The following ING4 variants were observed in gnomAD, a reference collection of about 807,000 sequenced individuals.
ING4 encodes the protein inhibitor of growth protein 4.
In ING4, 28 loss-of-function variants were observed where a neutral mutation model predicts 33.1. The ratio of observed to expected loss-of-function variants is 0.85; its 90% confidence interval spans 0.63 to 1.16. The LOEUF (loss-of-function observed/expected upper bound fraction) is 1.16, where lower values mean the gene tolerates loss of function less well. ING4 is among the 50% of genes most tolerant of loss of function. ING4 has a pLI of 0.00. For synonymous variants in ING4, 87 were observed against 104.4 expected (o/e 0.83, Z 1.02); for missense variants, 247 against 314.7 (o/e 0.78, Z 1.63).
intron 4 of ING4, 45 bp from the exon 5 acceptor site, chr12:6,652,812 G>T (rs774166200): frequency 2.5e-6 from 4 of 1,592,198 alleles, no homozygotes; most frequent in Non-Finnish European, 3.4e-6. Context: ...GAGACAGAAA[G>T]ATGGGTTAAG....
chr12:6,651,568 G>A (rs1949180439), intron 6 of ING4, among the ~76,000 whole-genome samples, 183 bp from the exon 7 acceptor site: 1 of 152,102 alleles, frequency 6.6e-6, no homozygotes, highest in Non-Finnish European at 1.5e-5. Flanking sequence ...TTGAGGCAGA[G>A]TCTCACTCTG....
chr12:6,653,119 G>T, intron 3 of ING4, 69 bp from the exon 4 acceptor site: 1 of 1,594,932 alleles, frequency 6.3e-7, no homozygotes, highest in Non-Finnish European at 8.6e-7. Flanking sequence ...GGTTAAGGCA[G>T]AGTTTATGGA....
Position 6,651,248 on chromosome 12 carries a change from G to C in ING4, c.708-14C>G, listed in dbSNP as rs752489636. The stretch of plus-strand genomic sequence containing the variant: ...CGTGGGCAAAACCTGAAACAGAGAA[G>C]GGGAGAGAAAAGTGAGTGAAAGGGA... On this transcript the variant is annotated splice_polypyrimidine_tract_variant and intron_variant, in intron 7 of 7. Coordinates refer to ENST00000341550, the MANE Select transcript of ING4 (RefSeq NM_016162.4). 12 of 1,614,038 alleles carry C rather than the reference G, an allele frequency of 7.4e-6. No individual in the cohort carries two copies. The South Asian group carries it at 1.1e-4, about 15-fold the overall frequency.
chr12:6,657,317 C>T (rs1278286012), intron 1 of ING4, among the ~76,000 whole-genome samples: 12 of 150,970 alleles, frequency 7.9e-5, no homozygotes, highest in South Asian at 6.3e-4. Flanking sequence ...GGTGCGATGG[C>T]GGGCGCCTGT....
In ING4 at chr12:6,663,092, C is replaced by T. The variant is rs1565409089; in HGVS notation, c.10G>A (p.Gly4Arg). The T allele has an allele frequency of 6.2e-7, 1 of 1,614,220 alleles. No individual in the cohort carries two copies. The highest frequency in any genetic ancestry group is 8.5e-7 in the Non-Finnish European group (1 of 1,180,046). MAA[G>R]MYLEHYLDSI... is the part of the protein sequence containing the mutation. ...TCCAGATAATGTTCCAAATACATCC[C>T]CGCAGCCATCTCGAAGCAAAACAAA... The change falls in exon 1 of 8, where the codon GGG (glycine) becomes AGG (arginine). Residue 4 changes from glycine (G) to arginine (R), a missense_variant. Transcript: ENST00000341550.
chr12:6,656,616 G>T, intron 2 of ING4, 111 bp downstream of exon 2: 3 of 691,324 alleles, frequency 4.3e-6, no homozygotes, highest in African/African-American at 1.9e-5. Flanking sequence ...AAAAAGGAGC[G>T]AGAGAAGCCA....
chr12:6,656,887 C>G, intron 1 of ING4, 89 bp from the exon 2 acceptor site: 2 of 768,496 alleles, frequency 2.6e-6, no homozygotes, highest in Non-Finnish European at 2.1e-6. Context: ...GACATGGTGG[C>G]TCACGCCTGC....
intron 1 of ING4, among the ~76,000 whole-genome samples, chr12:6,659,570 T>G (rs1949479954): frequency 6.6e-6 from 1 of 151,958 alleles, no homozygotes; most frequent in Admixed American, 6.6e-5. Flanking sequence ...CCCGGCACTT[T>G]GGGTGGCCGA....
intron 1 of ING4, among the ~76,000 whole-genome samples, chr12:6,661,154 G>C (rs1949535571): frequency 6.6e-6 from 1 of 151,812 alleles, no homozygotes. Context: ...CTGGAGTGCA[G>C]TGGCATGATC....
intron 1 of ING4, among the ~76,000 whole-genome samples, chr12:6,657,145 C>A (rs1400925418): frequency 1.3e-5 from 2 of 150,072 alleles, no homozygotes; most frequent in Non-Finnish European, 3.0e-5. Context: ...TAGAGCAAGT[C>A]CCTGTCTCAA....
chr12:6,651,984 C>T (rs1392819745), intron 6 of ING4, among the ~76,000 whole-genome samples: 3 of 151,910 alleles, frequency 2.0e-5, no homozygotes, highest in Non-Finnish European at 2.9e-5. Flanking sequence ...CTCAGCCTCC[C>T]GAGTAGCTGG....
intron 1 of ING4, among the ~76,000 whole-genome samples, chr12:6,661,308 G>A (rs1949540132): frequency 6.6e-6 from 1 of 151,830 alleles, no homozygotes; most frequent in Non-Finnish European, 1.5e-5. Flanking sequence ...ATGTTAGCCA[G>A]GCTGGTCTCG....
At position 6,661,449 on chromosome 12, in the gene ING4, TC is replaced by T. The variant is rs531813572; in HGVS notation, c.37+1615del. On this transcript the variant is annotated intron_variant, in intron 1 of 7. Transcript: ENST00000341550. ...TTTTTTGAGAGGGACACGGAGTCTTTCTCTGTCACCCAGGCTGGAGTGCAGT... is the reference window on the plus strand; with the variant it reads ...TTTTTTGAGAGGGACACGGAGTCTTTTCTGTCACCCAGGCTGGAGTGCAGT... Among the ~76,000 whole-genome samples, 11 of 141,546 alleles carry T rather than the reference TC, an allele frequency of 7.8e-5. No individual in the cohort carries two copies. The East Asian group carries it at 2.1e-3, about 27-fold the overall frequency. The allele number at this position is 141,546 out of a possible 152,430, so 92.9% of individuals were successfully genotyped here. A position where few individuals can be genotyped will look rare whatever the true frequency, so the allele number is the denominator to read the frequency against.
chr12:6,661,553 C>A (rs963159957), intron 1 of ING4, among the ~76,000 whole-genome samples: 2 of 151,622 alleles, frequency 1.3e-5, no homozygotes, highest in Admixed American at 6.6e-5. Flanking sequence ...TCCCAAGTAG[C>A]TGGGATTACA....
intron 1 of ING4, among the ~76,000 whole-genome samples, chr12:6,661,539 A>G (rs1188847309): frequency 6.6e-6 from 1 of 150,632 alleles, no homozygotes; most frequent in Non-Finnish European, 1.5e-5. Flanking sequence ...CTCCTGACTC[A>G]GCCTCCCAAG....
chr12:6,651,761 C>T (rs182456249), intron 6 of ING4, among the ~76,000 whole-genome samples: 22 of 151,818 alleles, frequency 1.4e-4, no homozygotes, highest in South Asian at 6.2e-4. Flanking sequence ...AGGCCAGTCT[C>T]GAACTCCTGA....
chr12:6,651,245 G>C lies in ING4; in HGVS notation c.708-11C>G. On this transcript the variant is annotated splice_polypyrimidine_tract_variant and intron_variant, in intron 7 of 7. Coordinates refer to ENST00000341550, the MANE Select transcript of ING4 (RefSeq NM_016162.4). The stretch of plus-strand genomic sequence containing the variant: ...CAGCGTGGGCAAAACCTGAAACAGA[G>C]AAGGGGAGAGAAAAGTGAGTGAAAG... 6.2e-7 allele frequency: 1 copy of C among 1,614,202 alleles called. No individual in the cohort carries two copies. The highest frequency in any genetic ancestry group is 1.1e-5 in the South Asian group (1 of 91,088).
At position 6,662,974 on chromosome 12, in the gene ING4, TC is replaced by T. The variant is rs1362227419; in HGVS notation, c.37+90del. ...GAACCGCTTCATAATTGTGACCTTCTCGTCACTGGAACTTAAGGGCTACAGA... is the reference window on the plus strand; with the variant it reads ...GAACCGCTTCATAATTGTGACCTTCTGTCACTGGAACTTAAGGGCTACAGA... On this transcript the variant is annotated intron_variant, in intron 1 of 7. Transcript: ENST00000341550. The T allele has an allele frequency of 2.9e-6, 4 of 1,367,350 alleles. No homozygotes were observed. In the East Asian group the frequency reaches 7.0e-5, roughly 24 times the overall value. 84.7% of individuals were successfully genotyped at this position (1,367,350 alleles called of 1,614,324 possible).
Position 6,651,045 on chromosome 12 carries a change from A to G in ING4, c.*150T>C. 1.2e-6 allele frequency: 1 copy of G among 843,494 alleles called. No homozygotes were observed. Among genetic ancestry groups the G allele is most frequent in the Non-Finnish European group, 1.9e-6 (1 of 520,566 alleles). The allele number at this position is 843,494 out of a possible 1,614,324, so 52.3% of individuals were successfully genotyped here. A position where few individuals can be genotyped will look rare whatever the true frequency, so the allele number is the denominator to read the frequency against. ...TACCAGGGTCTGATGCAGCCTCAGCACCGGGAGTGGGGAGAGGGGAGGAGA... is the reference window on the plus strand; with the variant it reads ...TACCAGGGTCTGATGCAGCCTCAGCGCCGGGAGTGGGGAGAGGGGAGGAGA... On this transcript the variant is annotated 3_prime_UTR_variant, in exon 8 of 8. Coordinates refer to ENST00000341550, the MANE Select transcript of ING4 (RefSeq NM_016162.4).
Sources: allele counts gnomAD v4.1 joint callset (sites outside exome capture counted in the v4.1 genomes callset), GRCh38; gene constraint gnomAD v4.1.1; transcripts MANE v1.5; gene names NCBI Gene and HGNC (gene_info 2026-07-23, HGNC 2026-07-21).